Variants in HARS1 observed in about 807,000 individuals in gnomAD.
HARS1 encodes histidine--tRNA ligase, cytoplasmic.
Under a neutral mutation model 63.6 loss-of-function variants are expected in HARS1, and 45 were observed. The ratio of observed to expected loss-of-function variants is 0.71; its 90% confidence interval spans 0.56 to 0.91. The LOEUF (loss-of-function observed/expected upper bound fraction) is 0.91, where lower values mean the gene tolerates loss of function less well. Among genes scored for constraint, HARS1 ranks in the 40% least tolerant of loss-of-function variants. The pLI, the probability that HARS1 is intolerant of heterozygous loss-of-function variation, is 0.00. For synonymous variants in HARS1, 205 were observed against 247.1 expected (o/e 0.83, Z 1.60); for missense variants, 508 against 643.2 (o/e 0.79, Z 2.27).
At position 140,677,838 on chromosome 5, in the gene HARS1, C is replaced by T. The variant is rs993514205; in HGVS notation, c.630+70G>A. ...TCATGGTCACTTAGGCTACTGGTCC[C>T]TCTGCACAAGGATCTTCTCTTGTGA... On this transcript the variant is annotated intron_variant, in intron 6 of 12. Coordinates refer to ENST00000504156, the MANE Select transcript of HARS1 (RefSeq NM_002109.6). 3.6e-6 allele frequency: 5 copies of T among 1,385,766 alleles called. No homozygotes were observed. In the African/African-American group the frequency reaches 5.7e-5, roughly 16 times the overall value. The allele number at this position is 1,385,766 out of a possible 1,614,324, so 85.8% of individuals were successfully genotyped here.
chr5:140,674,927 T>G, intron 11 of HARS1, 90 bp downstream of exon 11: 1 of 1,499,196 alleles, frequency 6.7e-7, no homozygotes, highest in Non-Finnish European at 9.3e-7. Flanking sequence ...TTTTGAGAAG[T>G]AATGGCAGGA....
Position 140,676,804 on chromosome 5 carries a change from C to A in HARS1, c.1044G>T (p.Gly348=). ...AVLLQTPAQA[G]EEPLGVGSVA... ...CACTGCCCACACCCAGGGGCTCTTCCCCTGCCTGGGCTGGGGTCTGTAGCA... is the reference window on the plus strand; with the variant it reads ...CACTGCCCACACCCAGGGGCTCTTCACCTGCCTGGGCTGGGGTCTGTAGCA... The change falls in exon 10 of 13, where the codon GGG becomes GGT. Residue 348 remains glycine (G), a synonymous_variant. Coordinates refer to ENST00000504156, the MANE Select transcript of HARS1 (RefSeq NM_002109.6). The surrounding 1 kb of genome is among the most constrained non-coding windows in gnomAD (Gnocchi z 4.1). The A allele has an allele frequency of 6.2e-7, 1 of 1,614,284 alleles. No homozygotes were observed. The highest frequency in any genetic ancestry group is 8.5e-7 in the Non-Finnish European group (1 of 1,180,056).
At chr5:140,675,605 T>C (rs1427859176) in intron 10 of HARS1, 1 of 152,264 alleles carries the variant, frequency 6.6e-6, no homozygotes. Context: ...GGTCTCATCA[T>C]GTTGCCCAGG....
Position 140,674,021 on chromosome 5 carries a change from G to T in HARS1, c.*236C>A. 1.7e-6 allele frequency: 1 copy of T among 604,322 alleles called. No individual in the cohort carries two copies. 37.4% of individuals were successfully genotyped at this position (604,322 alleles called of 1,614,324 possible). ...CTCAGGCTGGGTCCTTGTAGCCCAGGAGCACAGACTGGACTAAGCCTCCTG... is the reference window on the plus strand; with the variant it reads ...CTCAGGCTGGGTCCTTGTAGCCCAGTAGCACAGACTGGACTAAGCCTCCTG... On this transcript the variant is annotated 3_prime_UTR_variant, in exon 13 of 13. Transcript: ENST00000504156.
At chr5:140,683,459 T>C in intron 2 of HARS1, 1 of 1,175,432 alleles carries the variant, frequency 8.5e-7, no homozygotes, top group Non-Finnish European at 1.1e-6. Context: ...TTTTCTAAAA[T>C]TCTTAGAACT....
At position 140,677,936 on chromosome 5, in the gene HARS1, G is replaced by C. The variant is rs780654800; in HGVS notation, c.602C>G (p.Ser201Ter). ...GACCAGGAAGTCGCCTATCTGAAGT[G>C]AACTCAGGATCTCGCACATGATCTT... ...CLKIMCEILS[S>*]LQIGDFLVKV... The change falls in exon 6 of 13, where the codon TCA becomes TGA. Residue 201 changes from serine (S) to a stop codon, truncating the protein, a stop_gained. Transcript: ENST00000504156. LOFTEE classifies it high-confidence loss of function. 7 of 1,610,912 alleles carry C rather than the reference G, an allele frequency of 4.3e-6. No individual in the cohort carries two copies. Among genetic ancestry groups the C allele is most frequent in the African/African-American group, 1.3e-5 (1 of 74,850 alleles).
intron 3 of HARS1, among the ~76,000 whole-genome samples, chr5:140,680,506 C>T (rs1427166395): frequency 6.6e-6 from 1 of 152,094 alleles, no homozygotes; most frequent in Non-Finnish European, 1.5e-5. Context: ...TACTTCCTCC[C>T]TCATGTTATA....
In HARS1 at chr5:140,679,034, T is replaced by C. The variant is rs376561318; in HGVS notation, c.490A>G (p.Thr164Ala). Reference sequence around the variant, plus strand: ...TAGAATTCCCGGTATCGGCCACGGGTCATGGCTGGGTTATCCCGCCGATAT... The same window carrying C: ...TAGAATTCCCGGTATCGGCCACGGGCCATGGCTGGGTTATCCCGCCGATAT... ...KVYRRDNPAMTRGRYREFYQC... is the reference protein window; with the variant it reads ...KVYRRDNPAMARGRYREFYQC... The change falls in exon 5 of 13, where the codon ACC becomes GCC. Residue 164 changes from threonine to alanine, a missense_variant. This residue lies in a region of HARS1 where 403 missense variants were observed against 548.7 expected (regional missense o/e 0.73). Coordinates refer to ENST00000504156, the MANE Select transcript of HARS1 (RefSeq NM_002109.6). The surrounding 1 kb of genome is among the most constrained non-coding windows in gnomAD (Gnocchi z 4.3). The C allele has an allele frequency of 1.1e-5, 17 of 1,614,088 alleles. No individual in the cohort carries two copies. Among genetic ancestry groups the C allele is most frequent in the Non-Finnish European group, 1.4e-5 (16 of 1,179,968 alleles).
At chr5:140,677,877 A>G (rs373991727) in intron 6 of HARS1, 31 bp downstream of exon 6, 20 of 1,498,528 alleles carry the variant, frequency 1.3e-5, no homozygotes, top group Non-Finnish European at 1.8e-5. Context: ...GCCAGGCCCA[A>G]CTTTGCCCTC....
intron 2 of HARS1, among the ~76,000 whole-genome samples, chr5:140,688,102 TCAAACAAAAC>T (rs1759150894): frequency 2.1e-5 from 3 of 146,226 alleles, no homozygotes; most frequent in African/African-American, 5.1e-5. Context: ...AGACTCCGTC[TCAAACAAAAC>T]AAAACAAAAC....
At position 140,677,213 on chromosome 5, in the gene HARS1, G is replaced by C. The variant is rs908446012; in HGVS notation, c.824-97C>G. 2.9e-5 allele frequency: 40 copies of C among 1,382,606 alleles called. No individual in the cohort carries two copies. In the Middle Eastern group the frequency reaches 1.1e-3, roughly 37 times the overall value. 85.6% of individuals were successfully genotyped at this position (1,382,606 alleles called of 1,614,324 possible). A position where few individuals can be genotyped will look rare whatever the true frequency, so the allele number is the denominator to read the frequency against. ...GGACTCTAGTCGCCCATGCATGTGT[G>C]TGTACATATGCATAGACACACTCAC... is the stretch of plus-strand genomic sequence containing the variant. On this transcript the variant is annotated intron_variant, in intron 8 of 12. Transcript: ENST00000504156.
intron 2 of HARS1, chr5:140,683,576 A>C: frequency 1.1e-6 from 1 of 894,292 alleles, no homozygotes; most frequent in Non-Finnish European, 1.4e-6. Flanking sequence ...TCACGCCTGT[A>C]ATCCCAGCAC....
chr5:140,685,192 A>AG (rs1449471541), intron 2 of HARS1: 9 of 151,976 alleles, frequency 5.9e-5, no homozygotes, highest in Non-Finnish European at 1.3e-4. Flanking sequence ...TTAAAAAAAA[A>AG]AAAAAAGAAC....
Position 140,674,762 on chromosome 5 carries a change from C to T in HARS1, c.1375G>A (p.Gly459Ser), listed in dbSNP as rs1758259263. ...LNQLQYCEEA[G>S]IPLVAIIGEQ... ...CCGATGATAGCCACCAGTGGGATGC[C>T]TGCCTCCTCACAGTACTGTAACTGG... Residue 459 changes from glycine to serine, a missense_variant, in exon 12 of 13, where the codon GGC becomes AGC. Transcript: ENST00000504156. 6.2e-7 allele frequency: 1 copy of T among 1,614,064 alleles called. No individual in the cohort carries two copies.
At position 140,677,926 on chromosome 5, in the gene HARS1, T is replaced by C. The variant is rs1562008815; in HGVS notation, c.612A>G (p.Ile204Met). The C allele has an allele frequency of 6.2e-7, 1 of 1,608,576 alleles. No homozygotes were observed. The highest frequency in any genetic ancestry group is 8.5e-7 in the Non-Finnish European group (1 of 1,175,130). ...IMCEILSSLQ[I>M]GDFLVKVNDR... ...CTCTGACCTTGACCAGGAAGTCGCC[T>C]ATCTGAAGTGAACTCAGGATCTCGC... The change falls in exon 6 of 13, where the codon ATA (isoleucine) becomes ATG (methionine). Residue 204 changes from isoleucine to methionine, a missense_variant. Transcript: ENST00000504156.
rs898719363 is a variant in HARS1, at chr5:140,679,593, C to G, written c.396+195G>C. 1 of 506,962 alleles carries G rather than the reference C, an allele frequency of 2.0e-6. No homozygotes were observed. The highest frequency in any genetic ancestry group is 2.0e-5 in the African/African-American group (1 of 50,502). The allele number at this position is 506,962 out of a possible 1,614,324, so 31.4% of individuals were successfully genotyped here. A position where few individuals can be genotyped will look rare whatever the true frequency, so the allele number is the denominator to read the frequency against. On this transcript the variant is annotated intron_variant, in intron 4 of 12. Transcript: ENST00000504156. This position sits in a 1 kb window ranked among gnomAD's most constrained non-coding sequence, Gnocchi z 4.3. ...CTGGGCCCTGACATCAAGCTGAGGT[C>G]TCACTCAGGATTCAGAAGATTTCTA...
Position 140,679,601 on chromosome 5 carries a change from G to C in HARS1, c.396+187C>G. On this transcript the variant is annotated intron_variant, in intron 4 of 12. Coordinates refer to ENST00000504156, the MANE Select transcript of HARS1 (RefSeq NM_002109.6). The surrounding 1 kb of genome is among the most constrained non-coding windows in gnomAD (Gnocchi z 4.3). ...TGACATCAAGCTGAGGTCTCACTCA[G>C]GATTCAGAAGATTTCTAAGGATGTG... The C allele has an allele frequency of 2.0e-6, 1 of 512,556 alleles. No homozygotes were observed. The highest frequency in any genetic ancestry group is 3.4e-6 in the Non-Finnish European group (1 of 289,990). The allele number at this position is 512,556 out of a possible 1,614,324, so 31.8% of individuals were successfully genotyped here.
chr5:140,679,445 A>G lies in HARS1; in HGVS notation c.397-318T>C, dbSNP rs773821245. On this transcript the variant is annotated intron_variant, in intron 4 of 12. Coordinates refer to ENST00000504156, the MANE Select transcript of HARS1 (RefSeq NM_002109.6). This position sits in a 1 kb window ranked among gnomAD's most constrained non-coding sequence, Gnocchi z 4.3. Reference sequence around the variant, plus strand: ...GCCCCCATATGGGATTTCTAAGCAGATGATTCTCTGTGTAGCTTGGAGACA... The same window carrying G: ...GCCCCCATATGGGATTTCTAAGCAGGTGATTCTCTGTGTAGCTTGGAGACA... The G allele has an allele frequency of 3.7e-5, 15 of 408,148 alleles. No individual in the cohort carries two copies. The highest frequency in any genetic ancestry group is 5.2e-5 in the Non-Finnish European group (12 of 229,082). The allele number at this position is 408,148 out of a possible 1,614,324, so 25.3% of individuals were successfully genotyped here. A position where few individuals can be genotyped will look rare whatever the true frequency, so the allele number is the denominator to read the frequency against.
rs183419967 is a variant in HARS1, at chr5:140,674,539, A to C, written c.1458+140T>G. 284 of 975,826 alleles carry C rather than the reference A, an allele frequency of 2.9e-4. No homozygotes were observed. The African/African-American group carries it at 4.0e-3, about 14-fold the overall frequency. The allele number at this position is 975,826 out of a possible 1,614,324, so 60.4% of individuals were successfully genotyped here. On this transcript the variant is annotated intron_variant, in intron 12 of 12. Transcript: ENST00000504156. ...GGAGATCTCACCCTACTAAGACCAC[A>C]GTAACAGGTTAAGCCCTCAAGGCTT...
Sources: allele counts gnomAD v4.1 joint callset (sites outside exome capture counted in the v4.1 genomes callset), GRCh38; gene constraint gnomAD v4.1.1; regional missense constraint gnomAD v4.1.1; non-coding constraint Gnocchi (gnomAD v3.1); transcripts MANE v1.5; gene names NCBI Gene and HGNC (gene_info 2026-07-23, HGNC 2026-07-21).